Variants in TCF12 observed in about 807,000 individuals in gnomAD.
TCF12 encodes the protein transcription factor 12.
A neutral mutation model predicts 86.0 loss-of-function variants in TCF12; 45 were observed. That is an observed-to-expected ratio of 0.52 (90% CI 0.41 to 0.67). The LOEUF (loss-of-function observed/expected upper bound fraction) is 0.67, where lower values mean the gene tolerates loss of function less well. TCF12 is among the 30% of genes least tolerant of loss of function. The pLI is 0.00. For missense variants in TCF12, 881 were observed against 859.9 expected (o/e 1.02, Z -0.31); for synonymous variants, 330 against 299.6 (o/e 1.10, Z -1.05).
At chr15:57,158,521 A>G (rs924542145) in intron 5 of TCF12, among the ~76,000 whole-genome samples, 73 of 152,104 alleles carry the variant, frequency 4.8e-4, no homozygotes, top group African/African-American at 1.6e-3. Context: ...CCCAGGTCTG[A>G]CTGTGTGCTT....
chr15:57,095,268 C>T (rs960166867), intron 5 of TCF12, among the ~76,000 whole-genome samples: 4 of 152,156 alleles, frequency 2.6e-5, no homozygotes, highest in African/African-American at 9.7e-5. Flanking sequence ...TATCAATCAC[C>T]AAGTAGCCTT....
chr15:56,971,530 A>G (rs564515795), intron 3 of TCF12, among the ~76,000 whole-genome samples: 2 of 152,310 alleles, frequency 1.3e-5, no homozygotes, highest in East Asian at 3.9e-4. Flanking sequence ...CTACTGTTTC[A>G]GGTTTACTTT....
At chr15:57,258,550 C>G (rs2060451238) in intron 16 of TCF12, among the ~76,000 whole-genome samples, 1 of 152,138 alleles carries the variant, frequency 6.6e-6, no homozygotes, top group Non-Finnish European at 1.5e-5. Flanking sequence ...GTTTCTTATT[C>G]ATGACATAGG....
intron 8 of TCF12, among the ~76,000 whole-genome samples, chr15:57,221,593 A>G (rs534981075): frequency 6.6e-6 from 1 of 152,112 alleles, no homozygotes; most frequent in Admixed American, 6.5e-5. Context: ...GGTAGATGGC[A>G]TAGCTGGTAT....
chr15:56,927,542 T>C (rs1041205584), intron 3 of TCF12, among the ~76,000 whole-genome samples: 15 of 152,248 alleles, frequency 9.9e-5, no homozygotes, highest in South Asian at 2.1e-4. Flanking sequence ...TGCTCTTAAA[T>C]GGAATGAATA....
At chr15:57,148,084 A>G (rs1047576360) in intron 5 of TCF12, among the ~76,000 whole-genome samples, 11 of 151,720 alleles carry the variant, frequency 7.3e-5, no homozygotes, top group Non-Finnish European at 1.5e-4. Flanking sequence ...CGATCGCACT[A>G]TGTTGCCCAG....
chr15:56,926,153 A>G (rs2140221631), intron 3 of TCF12, among the ~76,000 whole-genome samples: 1 of 152,296 alleles, frequency 6.6e-6, no homozygotes, highest in African/African-American at 2.4e-5. Context: ...CTCTACCAAA[A>G]ATACACAGAA....
intron 5 of TCF12, among the ~76,000 whole-genome samples, chr15:57,097,008 C>A (rs1567414605): frequency 6.6e-6 from 1 of 152,106 alleles, no homozygotes; most frequent in Non-Finnish European, 1.5e-5. Flanking sequence ...TGTTTTATTT[C>A]CATTTCATTG....
intron 5 of TCF12, among the ~76,000 whole-genome samples, chr15:57,148,811 G>A (rs528192607): frequency 6.6e-6 from 1 of 152,146 alleles, no homozygotes; most frequent in South Asian, 2.1e-4. Context: ...TGGAGGTAGA[G>A]GTTGCAGTGA....
At chr15:56,959,667 A>G (rs1465992192) in intron 3 of TCF12, among the ~76,000 whole-genome samples, 1 of 152,232 alleles carries the variant, frequency 6.6e-6, no homozygotes, top group Non-Finnish European at 1.5e-5. Flanking sequence ...AGTTTAATCA[A>G]TATTGAAGTT....
intron 3 of TCF12, among the ~76,000 whole-genome samples, chr15:56,948,372 A>G (rs2061109011): frequency 6.6e-6 from 1 of 152,230 alleles, no homozygotes; most frequent in East Asian, 1.9e-4. Flanking sequence ...CTCTGATGTC[A>G]TAATGATCGG....
chr15:57,109,471 T>C (rs1241271362), intron 5 of TCF12, among the ~76,000 whole-genome samples: 1 of 152,214 alleles, frequency 6.6e-6, no homozygotes, highest in African/African-American at 2.4e-5. Flanking sequence ...ATTTAAAGAA[T>C]TTTGAAATTC....
intron 3 of TCF12, among the ~76,000 whole-genome samples, chr15:56,996,837 G>A (rs969344954): frequency 1.3e-5 from 2 of 152,136 alleles, no homozygotes; most frequent in African/African-American, 2.4e-5. Context: ...CTTCTCAAAA[G>A]AAGACATACA....
intron 3 of TCF12, among the ~76,000 whole-genome samples, chr15:56,980,091 G>T (rs1283195396): frequency 6.6e-6 from 1 of 152,124 alleles, no homozygotes; most frequent in South Asian, 2.1e-4. Context: ...GAGCACGGTG[G>T]CTCATGCTTG....
chr15:57,250,762 G>A (rs1241578160), intron 13 of TCF12, among the ~76,000 whole-genome samples: 3 of 151,686 alleles, frequency 2.0e-5, no homozygotes, highest in African/African-American at 4.8e-5. Flanking sequence ...CCAACGTGGT[G>A]GCACACACTT....
At chr15:57,022,273 T>G (rs2141262575) in intron 3 of TCF12, among the ~76,000 whole-genome samples, 1 of 152,158 alleles carries the variant, frequency 6.6e-6, no homozygotes, top group African/African-American at 2.4e-5. Flanking sequence ...TGTGTCCAAG[T>G]GTTCTCATTG....
At chr15:57,184,462 A>G (rs2056548536) in intron 6 of TCF12, among the ~76,000 whole-genome samples, 1 of 152,066 alleles carries the variant, frequency 6.6e-6, no homozygotes, top group African/African-American at 2.4e-5. Context: ...CCTCCTTCTG[A>G]TATATTTGTT....
At chr15:56,943,734 C>T (rs1567141547) in intron 3 of TCF12, among the ~76,000 whole-genome samples, 1 of 152,256 alleles carries the variant, frequency 6.6e-6, no homozygotes, top group Non-Finnish European at 1.5e-5. Context: ...AAATATCTCA[C>T]TTATTTAATA....
intron 3 of TCF12, among the ~76,000 whole-genome samples, chr15:57,046,309 T>C (rs1355527909): frequency 6.6e-6 from 1 of 152,242 alleles, no homozygotes; most frequent in Admixed American, 6.5e-5. Context: ...GTTTGTCACC[T>C]TACATAGTTA....
Sources: gnomAD v4.1 joint callset for allele counts (sites outside exome capture counted in the v4.1 genomes callset) on GRCh38, gnomAD v4.1.1 for gene constraint, MANE v1.5 for transcripts, NCBI Gene and HGNC (gene_info 2026-07-23, HGNC 2026-07-21) for gene names.